BZW2: variants seen among roughly 807,000 people sequenced by gnomAD.
BZW2 encodes basic leucine zipper and W2 domains 2, also known as eIF5-mimic protein 1.
In BZW2, 23 loss-of-function variants were observed where a neutral mutation model predicts 53.2. The observed-to-expected ratio is 0.43, with a 90% CI of 0.31 to 0.61. The LOEUF is 0.61. Among genes scored for constraint, BZW2 ranks in the 20% least tolerant of loss-of-function variants. BZW2 has a pLI of 0.09. For synonymous variants in BZW2, 227 were observed against 186.4 expected (o/e 1.22, Z -1.77); for missense variants, 409 against 503.1 (o/e 0.81, Z 1.79).
intron 1 of BZW2, among the ~76,000 whole-genome samples, chr7:16,663,036 G>A (rs1389980673): frequency 6.6e-6 from 1 of 152,136 alleles, no homozygotes; most frequent in Non-Finnish European, 1.5e-5. Context: ...ATAAAGTATT[G>A]GCTGATTCAG....
At chr7:16,684,623 G>T (rs996785893) in intron 5 of BZW2, among the ~76,000 whole-genome samples, 3 of 152,070 alleles carry the variant, frequency 2.0e-5, no homozygotes, top group African/African-American at 7.2e-5. Context: ...TTTTTATAAT[G>T]GAGGAAAAGG....
intron 11 of BZW2, among the ~76,000 whole-genome samples, chr7:16,705,452 A>G (rs1173879843): frequency 2.0e-5 from 3 of 152,156 alleles, no homozygotes; most frequent in African/African-American, 2.4e-5. Context: ...TTGGGAGGCC[A>G]AGGCGGGCAG....
At chr7:16,675,256 G>A (rs967953754) in intron 3 of BZW2, among the ~76,000 whole-genome samples, 18 of 152,164 alleles carry the variant, frequency 1.2e-4, no homozygotes, top group Admixed American at 3.3e-4. Context: ...AGTTCCTGTC[G>A]TAGCTGTAAA....
At chr7:16,673,189 G>A (rs998908384) in intron 2 of BZW2, among the ~76,000 whole-genome samples, 3 of 152,066 alleles carry the variant, frequency 2.0e-5, no homozygotes, top group African/African-American at 2.4e-5. Context: ...CTCGTGATCC[G>A]CCCGCCTCGG....
chr7:16,696,111 A>T (rs1174035041), intron 8 of BZW2: 1 of 152,094 alleles, frequency 6.6e-6, no homozygotes, highest in East Asian at 1.9e-4. Context: ...CAAGAAAGCA[A>T]TGTGTTTCCA....
intron 7 of BZW2, among the ~76,000 whole-genome samples, chr7:16,691,789 A>C (rs115478846): frequency 0.011 from 1,606 of 152,310 alleles, 24 homozygotes; most frequent in African/African-American, 0.037. Context: ...ATTCACAACT[A>C]TAGCCTGGTT....
chr7:16,696,869 C>G (rs764603734), intron 8 of BZW2, 46 bp from the exon 9 acceptor site: 130 of 1,605,700 alleles, frequency 8.1e-5, no homozygotes, highest in Non-Finnish European at 1.0e-4. Flanking sequence ...AGATGGGAGC[C>G]CTCCATCTGC....
chr7:16,704,837 G>A (rs892879726), intron 11 of BZW2, among the ~76,000 whole-genome samples, 168 bp downstream of exon 11: 2 of 151,886 alleles, frequency 1.3e-5, no homozygotes, highest in African/African-American at 4.8e-5. Context: ...CTGAAATCAC[G>A]GCAATAAAAA....
At chr7:16,688,170 C>T (rs534844146) in intron 6 of BZW2, among the ~76,000 whole-genome samples, 3 of 152,216 alleles carry the variant, frequency 2.0e-5, no homozygotes, top group East Asian at 3.9e-4. Flanking sequence ...TATATAAGGA[C>T]ATGGATTTCT....
chr7:16,704,173 G>A (rs1048950802), intron 10 of BZW2, among the ~76,000 whole-genome samples: 7 of 152,146 alleles, frequency 4.6e-5, no homozygotes, highest in Admixed American at 2.6e-4. Flanking sequence ...TCAAGATATG[G>A]TTGAACTTGG....
intron 1 of BZW2, among the ~76,000 whole-genome samples, chr7:16,656,839 A>G (rs1454130262): frequency 1.3e-5 from 2 of 152,144 alleles, no homozygotes; most frequent in Non-Finnish European, 2.9e-5. Flanking sequence ...GTTATTAGCT[A>G]TTATCCTTAG....
chr7:16,666,356 T>G (rs1253846976), intron 2 of BZW2, among the ~76,000 whole-genome samples: 1 of 151,840 alleles, frequency 6.6e-6, no homozygotes, highest in Non-Finnish European at 1.5e-5. Flanking sequence ...AGATTGTGGA[T>G]GTGAGCCACT....
At chr7:16,667,544 T>G (rs1304231486) in intron 2 of BZW2, among the ~76,000 whole-genome samples, 1 of 152,164 alleles carries the variant, frequency 6.6e-6, no homozygotes, top group Non-Finnish European at 1.5e-5. Context: ...TGCAGTGCTG[T>G]CTCCATTTAA....
intron 5 of BZW2, among the ~76,000 whole-genome samples, chr7:16,685,343 G>A (rs1027578840): frequency 4.0e-5 from 6 of 151,304 alleles, no homozygotes; most frequent in Non-Finnish European, 8.8e-5. Flanking sequence ...TTGTTTTGAA[G>A]ACTGTTGTAT....
At chr7:16,674,068 T>C (rs898878827) in intron 2 of BZW2, among the ~76,000 whole-genome samples, 1 of 152,064 alleles carries the variant, frequency 6.6e-6, no homozygotes, top group African/African-American at 2.4e-5. Context: ...CCAGCTAATT[T>C]TTTATATTTT....
chr7:16,659,223 A>T (rs6977984), intron 1 of BZW2, among the ~76,000 whole-genome samples: 1,759 of 152,310 alleles, frequency 0.012, 14 homozygotes, highest in Non-Finnish European at 0.017. Context: ...TAAAGCCCAA[A>T]TAACTCGTGT....
rs34699573 is a variant in BZW2 at position 16,685,876 on chromosome 7, C to CTTTTTTT, written c.406-16_406-10dup. 1.3e-3 allele frequency: 1,745 copies of CTTTTTTT among 1,294,406 alleles called. 5 individuals carry two copies. The highest frequency in any genetic ancestry group is 6.0e-3 in the South Asian group (347 of 58,142). 80.2% of individuals were successfully genotyped at this position (1,294,406 alleles called of 1,614,324 possible). On this transcript the variant is annotated intron_variant, in intron 5 of 11. Coordinates refer to ENST00000258761, the MANE Select transcript of BZW2 (RefSeq NM_014038.3). ...TTCCTTTTTTTTTCTTTTTCTTTTT[C>CTTTTTTT]TTTTTTTTTTTTTTTTTTTGACCCA...
At chr7:16,702,864 C>G (rs905459437) in intron 10 of BZW2, among the ~76,000 whole-genome samples, 6 of 152,074 alleles carry the variant, frequency 3.9e-5, no homozygotes, top group African/African-American at 1.4e-4. Flanking sequence ...AATTTATAAA[C>G]TCAAAAATAT....
At chr7:16,679,299 ACTAACAAAT>A (rs1418360432) in intron 3 of BZW2, among the ~76,000 whole-genome samples, 1 of 152,230 alleles carries the variant, frequency 6.6e-6, no homozygotes, top group Non-Finnish European at 1.5e-5. Context: ...AATTTGGGGA[ACTAACAAAT>A]GTCCATGAAA....
Sources: allele counts gnomAD v4.1 joint callset (sites outside exome capture counted in the v4.1 genomes callset), GRCh38; gene constraint gnomAD v4.1.1; transcripts MANE v1.5; gene names NCBI Gene and HGNC (gene_info 2026-07-23, HGNC 2026-07-21).